The following TCF12 variants were observed in gnomAD, a reference collection of about 807,000 sequenced individuals.
TCF12 encodes the protein transcription factor 12.
A neutral mutation model predicts 86.0 loss-of-function variants in TCF12; 45 were observed. The observed-to-expected ratio is 0.52, with a 90% confidence interval of 0.41 to 0.67. TCF12 has a LOEUF of 0.67. Ranked by LOEUF, TCF12 falls within the 30% of genes least tolerant of loss-of-function variation. TCF12 has a pLI of 0.00. For missense variants in TCF12, 881 were observed against 859.9 expected (o/e 1.02, Z -0.31); for synonymous variants, 330 against 299.6 (o/e 1.10, Z -1.05).
intron 3 of TCF12, among the ~76,000 whole-genome samples, chr15:56,933,492 A>G (rs1475600279): frequency 6.6e-6 from 1 of 152,128 alleles, no homozygotes. Flanking sequence ...TATTTGAAAG[A>G]GGAGCAGTTT....
chr15:57,218,997 A>G (rs761459804), intron 8 of TCF12: 16 of 1,025,676 alleles, frequency 1.6e-5, no homozygotes, highest in Non-Finnish European at 1.8e-5. Flanking sequence ...AGTGTTTCCA[A>G]TTCCTGATTA....
chr15:57,166,734 A>G lies in TCF12; in HGVS notation c.390+268A>G, dbSNP rs59239112. Among the ~76,000 whole-genome samples the G allele has an allele frequency of 0.052, 7,942 of 152,266 alleles. 387 individuals are homozygous for G. Among genetic ancestry groups the G allele is most frequent in the African/African-American group, 0.13 (5,369 of 41,518 alleles). Reference sequence around the variant, plus strand: ...TTCCAAAATGCTTGTCATTTCTGAGAAATTTTTTTGCATATTTTCTCACAG... The same window carrying G: ...TTCCAAAATGCTTGTCATTTCTGAGGAATTTTTTTGCATATTTTCTCACAG... On this transcript the variant is annotated intron_variant, in intron 6 of 20. Coordinates refer to ENST00000333725, the MANE Select transcript of TCF12 (RefSeq NM_207037.2).
At chr15:57,277,474 C>T (rs1027001925) in intron 19 of TCF12, among the ~76,000 whole-genome samples, 1 of 151,586 alleles carries the variant, frequency 6.6e-6, no homozygotes, top group Non-Finnish European at 1.5e-5. Flanking sequence ...ACTAAAAATA[C>T]AAAAATTAGC....
chr15:56,933,481 A>G (rs1040477464), intron 3 of TCF12, among the ~76,000 whole-genome samples: 11 of 152,080 alleles, frequency 7.2e-5, no homozygotes, highest in African/African-American at 2.2e-4. Flanking sequence ...ACATTGTGGT[A>G]TATTTGAAAG....
At chr15:57,231,357 A>AT (rs1298294036) in intron 9 of TCF12, 100 bp downstream of exon 9, 13 of 849,228 alleles carry the variant, frequency 1.5e-5, no homozygotes, top group African/African-American at 6.1e-5. Context: ...TTCAGGCCTT[A>AT]TTTAGGCATT....
Position 57,014,548 on chromosome 15 carries a change from A to G in TCF12, c.149-49202A>G, listed in dbSNP as rs77986962. 4.9e-3 allele frequency among the ~76,000 whole-genome samples: 741 copies of G among 152,352 alleles called. 7 individuals are homozygous for G. Among genetic ancestry groups the G allele is most frequent in the African/African-American group, 0.017 (711 of 41,576 alleles). ...ATTTGCTGCTTCCTGGTTAATGATC[A>G]GGATGAAAGACCTTGGGAGTTACAT... On this transcript the variant is annotated intron_variant, in intron 3 of 20. Coordinates refer to ENST00000333725, the MANE Select transcript of TCF12 (RefSeq NM_207037.2).
rs2057343741 is a variant in TCF12, at chr15:57,197,775, C to T, written c.529C>T (p.Pro177Ser). Residue 177 changes from proline (P) to serine (S), a missense_variant and splice_region_variant, in exon 8 of 21, where the codon CCC (proline) becomes TCC (serine). This residue lies in a region of TCF12 where 766 missense variants were observed against 718.9 expected (regional missense o/e 1.07). Transcript: ENST00000333725. The stretch of plus-strand genomic sequence containing the variant: ...AATGTATTGTTTTCCATCTGCAGAT[C>T]CCTTGCAAGCAAAAAAAGTCAGAAA... The part of the protein sequence containing the change: ...RPLHDSAALD[P>S]LQAKKVRKVP... 2 of 1,613,798 alleles carry T rather than the reference C, an allele frequency of 1.2e-6. No individual in the cohort carries two copies. The highest frequency in any genetic ancestry group is 1.7e-6 in the Non-Finnish European group (2 of 1,179,928).
At chr15:57,151,769 CA>C (rs11308647) in intron 5 of TCF12, among the ~76,000 whole-genome samples, 141,048 of 143,504 alleles carry the variant, frequency 0.98, 69,327 homozygotes, top group East Asian at 1. Flanking sequence ...GACTCTGTCT[CA>C]AAAAAAAAAA....
At chr15:57,004,851 G>A (rs746991805) in intron 3 of TCF12, among the ~76,000 whole-genome samples, 2 of 152,114 alleles carry the variant, frequency 1.3e-5, no homozygotes, top group South Asian at 2.1e-4. Context: ...CACCGCACCC[G>A]GCCCATTCAT....
intron 6 of TCF12, among the ~76,000 whole-genome samples, chr15:57,177,711 T>TTATG (rs2056052267): frequency 6.7e-6 from 1 of 150,116 alleles, no homozygotes; most frequent in Non-Finnish European, 1.5e-5. Context: ...TTTTATTTAC[T>TTATG]TATTTATTTA....
chr15:57,037,773 C>G (rs117790174), intron 3 of TCF12, among the ~76,000 whole-genome samples: 180 of 152,264 alleles, frequency 1.2e-3, no homozygotes, highest in Non-Finnish European at 2.1e-3. Flanking sequence ...TGTAGTTGAT[C>G]TTTCTCACAC....
intron 3 of TCF12, among the ~76,000 whole-genome samples, chr15:56,957,980 C>G (rs1197798853): frequency 1.3e-5 from 2 of 152,144 alleles, no homozygotes; most frequent in Non-Finnish European, 2.9e-5. Flanking sequence ...CCCCGGGATT[C>G]CTGAAATTTT....
chr15:57,155,606 GCAA>G (rs1460374839), intron 5 of TCF12, among the ~76,000 whole-genome samples: 1 of 152,080 alleles, frequency 6.6e-6, no homozygotes, highest in Non-Finnish European at 1.5e-5. Flanking sequence ...ACCAGCCTGG[GCAA>G]CATAAGAGAC....
At chr15:56,939,847 A>G (rs1270213498) in intron 3 of TCF12, among the ~76,000 whole-genome samples, 1 of 152,130 alleles carries the variant, frequency 6.6e-6, no homozygotes, top group Admixed American at 6.5e-5. Context: ...CTGCTCAAGG[A>G]TGAGCAAGAA....
intron 6 of TCF12, among the ~76,000 whole-genome samples, chr15:57,181,115 A>G (rs1300911075): frequency 2.0e-5 from 3 of 151,972 alleles, no homozygotes; most frequent in Non-Finnish European, 4.4e-5. Context: ...CGCCTGGCCG[A>G]TGCTAATAAT....
At chr15:57,251,522 C>T (rs1873432098) in intron 14 of TCF12, 99 bp downstream of exon 14, 2 of 1,126,382 alleles carry the variant, frequency 1.8e-6, no homozygotes, top group Non-Finnish European at 2.6e-6. Context: ...GCTAGCATTG[C>T]ACATGAATTC....
intron 2 of TCF12, among the ~76,000 whole-genome samples, chr15:56,920,417 A>G (rs2059732465): frequency 6.6e-6 from 1 of 152,024 alleles, no homozygotes; most frequent in Non-Finnish European, 1.5e-5. Flanking sequence ...GTCAGCGACA[A>G]GAAAAGTAGT....
chr15:56,979,606 T>G (rs571673423), intron 3 of TCF12, among the ~76,000 whole-genome samples: 27 of 152,292 alleles, frequency 1.8e-4, no homozygotes, highest in Non-Finnish European at 2.9e-4. Context: ...CATATAATAG[T>G]TAAAGAAATA....
intron 3 of TCF12, among the ~76,000 whole-genome samples, chr15:56,990,100 C>T (rs902330241): frequency 1.4e-5 from 2 of 146,662 alleles, no homozygotes; most frequent in African/African-American, 5.0e-5. Flanking sequence ...GCAAAAACTT[C>T]GGTAGTTTCG....
Sources: allele counts gnomAD v4.1 joint callset (sites outside exome capture counted in the v4.1 genomes callset), GRCh38; gene constraint gnomAD v4.1.1; regional missense constraint gnomAD v4.1.1; transcripts MANE v1.5; gene names NCBI Gene and HGNC (gene_info 2026-07-23, HGNC 2026-07-21).